The following FRMD8 variants were observed in gnomAD, a reference collection of about 807,000 sequenced individuals.
FRMD8 encodes the protein FERM domain-containing protein 8.
A neutral mutation model predicts 54.2 loss-of-function variants in FRMD8; 37 were observed. The observed-to-expected ratio is 0.68, with a 90% CI of 0.53 to 0.90. The LOEUF (loss-of-function observed/expected upper bound fraction) is 0.90, where lower values mean the gene tolerates loss of function less well. Ranked by LOEUF, FRMD8 falls within the 40% of genes least tolerant of loss-of-function variation. The probability of loss-of-function intolerance (pLI) is 0.00; values close to 1 mark genes in which losing one functional copy is unlikely to be tolerated. For missense variants in FRMD8, 585 were observed against 653.7 expected (o/e 0.89, Z 1.15); for synonymous variants, 246 against 286.9 (o/e 0.86, Z 1.44).
At chr11:65,405,146 G>A in intron 10 of FRMD8, 78 bp downstream of exon 10, 1 of 1,399,638 alleles carries the variant, frequency 7.1e-7, no homozygotes, top group Non-Finnish European at 1.0e-6. Flanking sequence ...CTGAGGACAG[G>A]GCATTGCAGA....
At chr11:65,410,997 A>G (rs1166051951) in intron 10 of FRMD8, among the ~76,000 whole-genome samples, 1 of 152,156 alleles carries the variant, frequency 6.6e-6, no homozygotes, top group Admixed American at 6.5e-5. Context: ...ACGTCTCCCC[A>G]GGCTTCTCTT....
chr11:65,394,115 T>C lies in FRMD8; in HGVS notation c.414+16T>C. 6.2e-7 allele frequency: 1 copy of C among 1,613,078 alleles called. No individual in the cohort carries two copies. On this transcript the variant is annotated intron_variant, in intron 5 of 10. Transcript: ENST00000317568. ...GGAGCTCCAGGTGAGGCAGGAGCCCTGGTGGCCCCACCAGGCCTGGCCCCT... is the reference window on the plus strand; with the variant it reads ...GGAGCTCCAGGTGAGGCAGGAGCCCCGGTGGCCCCACCAGGCCTGGCCCCT...
chr11:65,390,338 A>G (rs1479398009), intron 3 of FRMD8, among the ~76,000 whole-genome samples: 1 of 152,056 alleles, frequency 6.6e-6, no homozygotes, highest in African/African-American at 2.4e-5. Flanking sequence ...TGTTTAGTAA[A>G]TCGGTGCCAT....
At chr11:65,376,456 T>C in the FRMD8 span, 1 of 1,614,190 alleles carries the variant, frequency 6.2e-7, no homozygotes, top group Admixed American at 1.7e-5. Context: ...GGTGACAGCA[T>C]TGACGGGAAA....
intron 7 of FRMD8, 113 bp from the exon 8 acceptor site, chr11:65,399,623 G>T: frequency 7.8e-7 from 1 of 1,282,150 alleles, no homozygotes; most frequent in Admixed American, 2.3e-5. Flanking sequence ...TCCCTGGGGC[G>T]GGTTTCAGTC....
rs561253276 is a variant in FRMD8 at position 65,400,400 on chromosome 11, T to G, written c.928-324T>G. Among the ~76,000 whole-genome samples, 1 of 152,242 alleles carries G rather than the reference T, an allele frequency of 6.6e-6. No individual in the cohort carries two copies. The highest frequency in any genetic ancestry group is 2.1e-4 in the South Asian group (1 of 4,828). On this transcript the variant is annotated intron_variant, in intron 8 of 10. Transcript: ENST00000317568. This position sits in a 1 kb window ranked among gnomAD's most constrained non-coding sequence, Gnocchi z 4.3. ...TGTGTCCTGGGAGGCAGGGCCCAGC[T>G]CAGCCTCATGCTAGATGCCACGCCC...
chr11:65,398,912 A>AGTG (rs1235534935), intron 7 of FRMD8, among the ~76,000 whole-genome samples: 1 of 151,668 alleles, frequency 6.6e-6, no homozygotes, highest in Non-Finnish European at 1.5e-5. Flanking sequence ...GCTCTGGCTC[A>AGTG]GTGGGTGGTG....
Position 65,389,461 on chromosome 11 carries a change from C to G in FRMD8, c.186C>G (p.Arg62=). 1 of 1,609,348 alleles carries G rather than the reference C, an allele frequency of 6.2e-7. No individual in the cohort carries two copies. The highest frequency in any genetic ancestry group is 1.1e-5 in the South Asian group (1 of 91,086). Residue 62 remains arginine (R), a synonymous_variant, in exon 3 of 11, where the codon CGC becomes CGG. Transcript: ENST00000317568. The part of the protein sequence containing the change: ...LSAHELHRAV[R]EVLQLPDIAL... ...CCCATGAGCTGCACCGCGCTGTCCGCGAGGTCCTGCAGCTTCCAGACATCG... is the reference window on the plus strand; with the variant it reads ...CCCATGAGCTGCACCGCGCTGTCCGGGAGGTCCTGCAGCTTCCAGACATCG...
chr11:65,392,439 C>G (rs1018381466), intron 3 of FRMD8, among the ~76,000 whole-genome samples: 1 of 152,206 alleles, frequency 6.6e-6, no homozygotes, highest in East Asian at 1.9e-4. Flanking sequence ...GCTCCTGCAC[C>G]CCGGTGACGG....
the FRMD8 span, chr11:65,379,552 A>C: frequency 6.2e-7 from 1 of 1,607,670 alleles, no homozygotes; most frequent in Non-Finnish European, 8.5e-7. Flanking sequence ...CCCTTGAAGA[A>C]GCCCAGGAGC....
intron 10 of FRMD8, among the ~76,000 whole-genome samples, chr11:65,406,975 A>G (rs562444156): frequency 9.9e-5 from 15 of 152,152 alleles, no homozygotes; most frequent in Admixed American, 5.9e-4. Flanking sequence ...AATAAAAAGG[A>G]ATACCCTAAA....
Position 65,386,669 on chromosome 11 carries a change from A to C in FRMD8, c.-93A>C. 2 of 263,262 alleles carry C rather than the reference A, an allele frequency of 7.6e-6. No individual in the cohort carries two copies. The highest frequency in any genetic ancestry group is 1.4e-5 in the Non-Finnish European group (2 of 138,936). The allele number at this position is 263,262 out of a possible 1,614,324, so 16.3% of individuals were successfully genotyped here. ...CCCGGTCAGCTGCGTCCTTAGCGGG[A>C]GCCCGAGTGCGGGCGGTGGCGGGCT... On this transcript the variant is annotated 5_prime_UTR_variant, in exon 1 of 11. Transcript: ENST00000317568.
Position 65,404,858 on chromosome 11 carries a change from C to T in FRMD8, c.1072-6C>T. The T allele has an allele frequency of 6.2e-7, 1 of 1,609,250 alleles. No individual in the cohort carries two copies. The highest frequency in any genetic ancestry group is 8.5e-7 in the Non-Finnish European group (1 of 1,177,146). On this transcript the variant is annotated splice_polypyrimidine_tract_variant and splice_region_variant and intron_variant, in intron 9 of 10. Transcript: ENST00000317568. This position sits in a 1 kb window ranked among gnomAD's most constrained non-coding sequence, Gnocchi z 4.7. ...GCCAGGCCTCACACTGCCCCCTCCT[C>T]CCCAGGCCGAACTGATGAGCAGTCT...
At position 65,400,483 on chromosome 11, in the gene FRMD8, G is replaced by T. The variant is rs1049623016; in HGVS notation, c.928-241G>T. ...GCCTCCTCCCCCACGTGCCTCCCCCGCTGTCAGGGGCTTGGCCTGCTGGTG... is the reference window on the plus strand; with the variant it reads ...GCCTCCTCCCCCACGTGCCTCCCCCTCTGTCAGGGGCTTGGCCTGCTGGTG... On this transcript the variant is annotated intron_variant, in intron 8 of 10. Coordinates refer to ENST00000317568, the MANE Select transcript of FRMD8 (RefSeq NM_031904.5). The surrounding 1 kb of genome is among the most constrained non-coding windows in gnomAD (Gnocchi z 4.3). 6.6e-6 allele frequency among the ~76,000 whole-genome samples: 1 copy of T among 152,152 alleles called. No individual in the cohort carries two copies. The highest frequency in any genetic ancestry group is 1.5e-5 in the Non-Finnish European group (1 of 68,028).
rs188855238 is a variant in FRMD8, at chr11:65,387,194, C to T, written c.85+73C>T. 2.8e-3 allele frequency: 3,376 copies of T among 1,184,820 alleles called. 8 individuals are homozygous for T. Among genetic ancestry groups the T allele is most frequent in the Non-Finnish European group, 3.4e-3 (2,720 of 801,472 alleles). 73.4% of individuals were successfully genotyped at this position (1,184,820 alleles called of 1,614,324 possible). On this transcript the variant is annotated intron_variant, in intron 2 of 10. Transcript: ENST00000317568. ...CCCTGGAGAAGTAGCTCTGGCTTGT[C>T]TTCTTTTTCATTAAAGATAATTTAT...
chr11:65,374,557 C>A, the FRMD8 span, among the ~76,000 whole-genome samples: 13 of 152,320 alleles, frequency 8.5e-5, 2 homozygotes, highest in African/African-American at 3.1e-4. Flanking sequence ...ATGAGGTGGA[C>A]TCACGTTGAT....
At position 65,400,627 on chromosome 11, in the gene FRMD8, A is replaced by G. The variant is rs1029480144; in HGVS notation, c.928-97A>G. The G allele has an allele frequency of 8.9e-6, 11 of 1,236,270 alleles. No homozygotes were observed. The highest frequency in any genetic ancestry group is 1.5e-5 in the African/African-American group (1 of 65,518). The allele number at this position is 1,236,270 out of a possible 1,614,324, so 76.6% of individuals were successfully genotyped here. A position where few individuals can be genotyped will look rare whatever the true frequency, so the allele number is the denominator to read the frequency against. The stretch of plus-strand genomic sequence containing the variant: ...TGAACAAATGTAGACTCAGCCTTGG[A>G]GAGGCACACACCCTGGCCAGGTGTC... On this transcript the variant is annotated intron_variant, in intron 8 of 10. Coordinates refer to ENST00000317568, the MANE Select transcript of FRMD8 (RefSeq NM_031904.5). This position sits in a 1 kb window ranked among gnomAD's most constrained non-coding sequence, Gnocchi z 4.3.
Position 65,406,051 on chromosome 11 carries a change from G to A in FRMD8, c.1276+983G>A, listed in dbSNP as rs376398269. On this transcript the variant is annotated intron_variant, in intron 10 of 10. Transcript: ENST00000317568. Reference sequence around the variant, plus strand: ...TTAATTAGTTAACTATTTTTGAGACGGAGTCTCACTCTGTCGCCCAGGCTG... The same window carrying A: ...TTAATTAGTTAACTATTTTTGAGACAGAGTCTCACTCTGTCGCCCAGGCTG... Among the ~76,000 whole-genome samples, 43 of 151,294 alleles carry A rather than the reference G, an allele frequency of 2.8e-4. 3 individuals carry two copies. In the South Asian group the frequency reaches 5.0e-3, roughly 18 times the overall value.
chr11:65,372,255 T>A, the FRMD8 span, among the ~76,000 whole-genome samples: 390 of 152,252 alleles, frequency 2.6e-3, 1 homozygote, highest in African/African-American at 8.8e-3. Flanking sequence ...TCCTGCCCCA[T>A]CTTTGTCTTT....
Sources: gnomAD v4.1 joint callset for allele counts (sites outside exome capture counted in the v4.1 genomes callset) on GRCh38, gnomAD v4.1.1 for gene constraint, Gnocchi (gnomAD v3.1) non-coding constraint, MANE v1.5 for transcripts, NCBI Gene and HGNC (gene_info 2026-07-23, HGNC 2026-07-21) for gene names.